Variants in ITGA9 observed in about 807,000 individuals in gnomAD.
ITGA9 encodes integrin alpha-9.
Under a neutral mutation model 127.8 loss-of-function variants are expected in ITGA9, and 56 were observed. That is an observed-to-expected ratio of 0.44 (90% CI 0.35 to 0.55). The LOEUF (loss-of-function observed/expected upper bound fraction) is 0.55, where lower values mean the gene tolerates loss of function less well. ITGA9 is among the 20% of genes least tolerant of loss of function. The probability of loss-of-function intolerance (pLI) is 0.00; values close to 1 mark genes in which losing one functional copy is unlikely to be tolerated. For synonymous variants in ITGA9, 508 were observed against 514.5 expected, an observed-to-expected ratio of 0.99 and a Z score of 0.17; for missense variants, 1,196 against 1,347.1, an observed-to-expected ratio of 0.89 and a Z score of 1.76.
intron 22 of ITGA9, among the ~76,000 whole-genome samples, chr3:37,746,365 T>C (rs1159958578): frequency 6.6e-6 from 1 of 152,240 alleles, no homozygotes; most frequent in Non-Finnish European, 1.5e-5. Flanking sequence ...CATTTCATCA[T>C]AGTTTTTAAA....
intron 16 of ITGA9, among the ~76,000 whole-genome samples, chr3:37,635,208 C>CATG (rs1700266105): frequency 6.6e-6 from 1 of 152,146 alleles, no homozygotes; most frequent in Non-Finnish European, 1.5e-5. Flanking sequence ...GATGTATAAT[C>CATG]ATGACACTTG....
chr3:37,579,214 A>G (rs1446190738), intron 15 of ITGA9, among the ~76,000 whole-genome samples: 1 of 152,224 alleles, frequency 6.6e-6, no homozygotes, highest in Non-Finnish European at 1.5e-5. Flanking sequence ...CATGCAGCAG[A>G]AAACCCAAAT....
chr3:37,739,612 C>T (rs186678816), intron 20 of ITGA9, among the ~76,000 whole-genome samples: 39 of 152,360 alleles, frequency 2.6e-4, no homozygotes, highest in South Asian at 1.5e-3. Context: ...CTCCTCTCAG[C>T]AGCCACCAGC....
At chr3:37,737,825 C>G (rs1314931819) in intron 20 of ITGA9, among the ~76,000 whole-genome samples, 1 of 152,070 alleles carries the variant, frequency 6.6e-6, no homozygotes, top group East Asian at 1.9e-4. Flanking sequence ...TCCTATATAC[C>G]CTTTACCCAG....
At chr3:37,560,557 C>T (rs939393476) in intron 15 of ITGA9, among the ~76,000 whole-genome samples, 2 of 152,186 alleles carry the variant, frequency 1.3e-5, no homozygotes, top group African/African-American at 4.8e-5. Flanking sequence ...AACGAATTTA[C>T]ACTCCCGCCA....
intron 15 of ITGA9, among the ~76,000 whole-genome samples, chr3:37,619,035 G>GT (rs59668753): frequency 8.4e-4 from 128 of 152,248 alleles, no homozygotes; most frequent in Middle Eastern, 3.4e-3. Flanking sequence ...TGCAGAAATC[G>GT]CCCGTCTTCT....
intron 15 of ITGA9, among the ~76,000 whole-genome samples, chr3:37,546,588 G>A (rs1393269066): frequency 6.6e-6 from 1 of 152,230 alleles, no homozygotes; most frequent in Admixed American, 6.5e-5. Context: ...AGGCCCTGGG[G>A]ATGCCACTGT....
chr3:37,709,209 A>C (rs928978456), intron 18 of ITGA9, among the ~76,000 whole-genome samples: 4 of 152,184 alleles, frequency 2.6e-5, no homozygotes, highest in Non-Finnish European at 5.9e-5. Context: ...AGTAGCCTTT[A>C]GTTATTTTTG....
At chr3:37,508,383 T>C (rs934032269) in intron 7 of ITGA9, among the ~76,000 whole-genome samples, 176 bp from the exon 8 acceptor site, 1 of 152,164 alleles carries the variant, frequency 6.6e-6, no homozygotes, top group South Asian at 2.1e-4. Context: ...AAGGACCCTT[T>C]TTTTTGCAGG....
intron 8 of ITGA9, among the ~76,000 whole-genome samples, chr3:37,513,538 A>C (rs1698954670): frequency 6.6e-6 from 1 of 151,652 alleles, no homozygotes; most frequent in African/African-American, 2.4e-5. Context: ...TGTACCCATT[A>C]ACTCGTCATT....
At chr3:37,565,199 G>A (rs1471235969) in intron 15 of ITGA9, among the ~76,000 whole-genome samples, 2 of 152,204 alleles carry the variant, frequency 1.3e-5, no homozygotes, top group African/African-American at 4.8e-5. Context: ...GCCCCAGAGG[G>A]TGCTTAGCAA....
intron 17 of ITGA9, among the ~76,000 whole-genome samples, chr3:37,662,406 A>G (rs1345148285): frequency 6.6e-6 from 1 of 151,940 alleles, no homozygotes; most frequent in East Asian, 1.9e-4. Flanking sequence ...AAATAATAAT[A>G]ATAATGCAGC....
At chr3:37,810,614 C>T (rs564437668) in intron 27 of ITGA9, among the ~76,000 whole-genome samples, 2 of 152,214 alleles carry the variant, frequency 1.3e-5, no homozygotes, top group East Asian at 1.9e-4. Flanking sequence ...CAGGGTTTCA[C>T]CATATTGGCC....
rs891340124 is a variant in ITGA9 at position 37,806,284 on chromosome 3, GGTGT to G, written c.3009+2354_3009+2357del. 4 of 148,962 alleles carry G rather than the reference GGTGT, an allele frequency of 2.7e-5. No homozygotes were observed. The highest frequency in any genetic ancestry group is 4.4e-5 in the Non-Finnish European group (3 of 67,674). 9.2% of individuals were successfully genotyped at this position (148,962 alleles called of 1,614,324 possible). On this transcript the variant is annotated intron_variant, in intron 27 of 27. Coordinates refer to ENST00000264741, the MANE Select transcript of ITGA9 (RefSeq NM_002207.3). The surrounding 1 kb of genome is among the most constrained non-coding windows in gnomAD (Gnocchi z 4.3). ...GGGCTTTGGTGCATGAGTGTGTGTG[GGTGT>G]GTGTGTGTGTGCGTGCGCGTGTGTG... is the stretch of plus-strand genomic sequence containing the variant.
At chr3:37,616,348 G>C (rs1039058009) in intron 15 of ITGA9, among the ~76,000 whole-genome samples, 17 of 152,162 alleles carry the variant, frequency 1.1e-4, no homozygotes, top group African/African-American at 3.9e-4. Flanking sequence ...TATAATTTCT[G>C]TTCTTTTACA....
chr3:37,467,911 C>A (rs1018200023), intron 1 of ITGA9, among the ~76,000 whole-genome samples: 1 of 152,196 alleles, frequency 6.6e-6, no homozygotes. Context: ...ATGTGACTTA[C>A]CCCAGTGGCT....
intron 15 of ITGA9, among the ~76,000 whole-genome samples, chr3:37,561,009 C>G (rs1699481990): frequency 6.6e-6 from 1 of 152,070 alleles, no homozygotes; most frequent in African/African-American, 2.4e-5. Flanking sequence ...ACATTTCCTC[C>G]TATTCTAAGG....
In ITGA9 at chr3:37,777,446, A is replaced by G; in HGVS notation, c.2596A>G (p.Ile866Val). 6.2e-7 allele frequency: 1 copy of G among 1,614,086 alleles called. No homozygotes were observed. The highest frequency in any genetic ancestry group is 8.5e-7 in the Non-Finnish European group (1 of 1,179,936). Reference protein sequence around the residue: ...SFQKNPTPCIIPQEQENIFHT... With the variant: ...SFQKNPTPCIVPQEQENIFHT... ...CCAGAAAAACCCAACTCCCTGCATCATCCCTCAAGAACAAGAAAATATCTT... is the reference window on the plus strand; with the variant it reads ...CCAGAAAAACCCAACTCCCTGCATCGTCCCTCAAGAACAAGAAAATATCTT... The change falls in exon 24 of 28, where the codon ATC becomes GTC. Residue 866 changes from isoleucine (I) to valine (V), a missense_variant. Physicochemically the swap from Ile to Val is conservative, Grantham distance 29. Coordinates refer to ENST00000264741, the MANE Select transcript of ITGA9 (RefSeq NM_002207.3).
At chr3:37,715,413 T>C (rs1701123875) in intron 18 of ITGA9, among the ~76,000 whole-genome samples, 1 of 152,124 alleles carries the variant, frequency 6.6e-6, no homozygotes, top group Non-Finnish European at 1.5e-5. Flanking sequence ...CAATGACAAT[T>C]TGAGACATTT....
Sources: allele counts gnomAD v4.1 joint callset (sites outside exome capture counted in the v4.1 genomes callset), GRCh38; gene constraint gnomAD v4.1.1; non-coding constraint Gnocchi (gnomAD v3.1); transcripts MANE v1.5; gene names NCBI Gene and HGNC (gene_info 2026-07-23, HGNC 2026-07-21).